RARB: variants seen among roughly 807,000 people sequenced by gnomAD.
RARB encodes the protein HBV-activated protein.
In RARB, 17 loss-of-function variants were observed where a neutral mutation model predicts 51.9. The observed-to-expected ratio is 0.33, with a 90% confidence interval of 0.22 to 0.49. RARB has a LOEUF of 0.49. RARB is among the 20% of genes least tolerant of loss of function. RARB has a pLI of 0.99. For synonymous variants in RARB, 215 were observed against 195.4 expected, an observed-to-expected ratio of 1.10 and a Z score of -0.84; for missense variants, 369 against 550.8, an observed-to-expected ratio of 0.67 and a Z score of 3.30.
chr3:24,933,208 C>T (rs943548587), intron 2 of RARB, among the ~76,000 whole-genome samples: 1 of 151,956 alleles, frequency 6.6e-6, no homozygotes, highest in African/African-American at 2.4e-5. Context: ...AATAACTCTG[C>T]ATCATTTTAG....
chr3:25,276,719 T>C lies in RARB; in HGVS notation c.178+102144T>C, dbSNP rs140575957. Among the ~76,000 whole-genome samples the C allele has an allele frequency of 1.9e-3, 289 of 152,308 alleles. 2 individuals carry two copies. Among genetic ancestry groups the C allele is most frequent in the African/African-American group, 6.7e-3 (280 of 41,576 alleles). On this transcript the variant is annotated intron_variant, in intron 5 of 11. Transcript: ENST00000383772. The stretch of plus-strand genomic sequence containing the variant: ...GGCCTAAAGAAAAGAAAAGCCAACT[T>C]GTATTCCATTTGCAAATACCTAGAA...
intron 3 of RARB, among the ~76,000 whole-genome samples, chr3:25,131,626 G>T: frequency 6.6e-6 from 1 of 151,952 alleles, no homozygotes; most frequent in Middle Eastern, 3.2e-3. Flanking sequence ...AAAAGGTTTA[G>T]ATTTCAGGAA....
intron 5 of RARB, among the ~76,000 whole-genome samples, chr3:25,184,993 A>G (rs1559496650): frequency 1.3e-5 from 2 of 152,220 alleles, no homozygotes; most frequent in African/African-American, 4.8e-5. Context: ...ACTAGCAAAA[A>G]TCTTGTCACA....
chr3:25,424,663 A>G (rs1415901136), upstream of RARB, among the ~76,000 whole-genome samples: 1 of 151,762 alleles, frequency 6.6e-6, no homozygotes, highest in Non-Finnish European at 1.5e-5. Context: ...TGCACTTTGC[A>G]TGTCTGCCCC....
intron 2 of RARB, among the ~76,000 whole-genome samples, chr3:24,965,685 T>C (rs1350419462): frequency 6.6e-6 from 1 of 152,130 alleles, no homozygotes; most frequent in Non-Finnish European, 1.5e-5. Context: ...AAGGATTAAA[T>C]GAAATAATAC....
intron 5 of RARB, among the ~76,000 whole-genome samples, chr3:25,216,432 G>A (rs560946953): frequency 6.6e-5 from 10 of 152,162 alleles, no homozygotes; most frequent in African/African-American, 9.7e-5. Flanking sequence ...CGTATCCTTT[G>A]CAGGGACATG....
chr3:24,953,763 C>T (rs1204314816), intron 2 of RARB, among the ~76,000 whole-genome samples: 2 of 152,130 alleles, frequency 1.3e-5, no homozygotes, highest in African/African-American at 4.8e-5. Flanking sequence ...ACCTCATATA[C>T]GTTCCCCTAC....
chr3:25,221,494 C>G (rs971553087), intron 5 of RARB, among the ~76,000 whole-genome samples: 1 of 152,080 alleles, frequency 6.6e-6, no homozygotes, highest in Admixed American at 6.5e-5. Flanking sequence ...AATAAATAAT[C>G]CTCCTTTGTC....
intron 5 of RARB, among the ~76,000 whole-genome samples, chr3:25,215,721 C>A (rs1701819088): frequency 6.6e-6 from 1 of 152,036 alleles, no homozygotes. Flanking sequence ...GGCCTTCTGT[C>A]TATGGAAAGG....
chr3:25,288,541 A>C (rs1017378708), intron 5 of RARB, among the ~76,000 whole-genome samples: 1 of 152,144 alleles, frequency 6.6e-6, no homozygotes, highest in South Asian at 2.1e-4. Flanking sequence ...AGCCCAGGAC[A>C]CTATTTGGGC....
intron 5 of RARB, among the ~76,000 whole-genome samples, chr3:25,213,990 T>TA (rs1006112661): frequency 6.6e-6 from 1 of 152,118 alleles, no homozygotes; most frequent in Admixed American, 6.5e-5. Flanking sequence ...GAAATACTAG[T>TA]AAAAAAATAA....
intron 3 of RARB, among the ~76,000 whole-genome samples, chr3:25,126,124 T>G (rs891648365): frequency 7.2e-5 from 11 of 152,220 alleles, no homozygotes; most frequent in Admixed American, 6.5e-4. Flanking sequence ...TATATTGAAG[T>G]GCTGGCTCCT....
intron 4 of RARB, among the ~76,000 whole-genome samples, chr3:25,577,408 C>A (rs1029736376): frequency 6.6e-6 from 1 of 152,100 alleles, no homozygotes; most frequent in Non-Finnish European, 1.5e-5. Context: ...ATACAAAATG[C>A]AGGAATTGAA....
intron 1 of RARB, among the ~76,000 whole-genome samples, chr3:25,444,234 T>A (rs1708830715): frequency 6.6e-6 from 1 of 152,078 alleles, no homozygotes; most frequent in African/African-American, 2.4e-5. Context: ...ATCTCCCGAG[T>A]AGGAGAAAGT....
chr3:24,994,054 A>C (rs1049535664), intron 2 of RARB, among the ~76,000 whole-genome samples: 2 of 152,062 alleles, frequency 1.3e-5, no homozygotes, highest in Non-Finnish European at 2.9e-5. Context: ...TGGTGGTTCT[A>C]TTTGTAGTTT....
At chr3:24,908,591 G>GAAAGT (rs1694919130) in intron 2 of RARB, among the ~76,000 whole-genome samples, 1 of 145,638 alleles carries the variant, frequency 6.9e-6, no homozygotes, top group South Asian at 2.3e-4. Flanking sequence ...CTTGAGGATA[G>GAAAGT]AAAGTAAATG....
intron 2 of RARB, among the ~76,000 whole-genome samples, chr3:25,474,551 C>T (rs997695556): frequency 1.3e-5 from 2 of 152,122 alleles, no homozygotes; most frequent in African/African-American, 4.8e-5. Context: ...ACAGTCCCAA[C>T]ACTTGCTAAG....
At chr3:24,985,038 T>C (rs1037630660) in intron 2 of RARB, among the ~76,000 whole-genome samples, 3 of 152,190 alleles carry the variant, frequency 2.0e-5, no homozygotes, top group Admixed American at 6.5e-5. Context: ...TTCATTTTAT[T>C]CTGGAAATTC....
chr3:25,401,650 AT>A (rs1249091670), intron 5 of RARB, among the ~76,000 whole-genome samples: 1 of 152,232 alleles, frequency 6.6e-6, no homozygotes, highest in African/African-American at 2.4e-5. Flanking sequence ...TTAGTAGCAG[AT>A]TGGACACCAC....
Sources: gnomAD v4.1 joint callset for allele counts (sites outside exome capture counted in the v4.1 genomes callset) on GRCh38, gnomAD v4.1.1 for gene constraint, MANE v1.5 for transcripts, NCBI Gene and HGNC (gene_info 2026-07-23, HGNC 2026-07-21) for gene names.